The following STK35 variants were observed in gnomAD, a reference collection of about 807,000 sequenced individuals.
The protein encoded by STK35 is serine/threonine kinase 35.
A neutral mutation model predicts 37.3 loss-of-function variants in STK35; 17 were observed. The observed-to-expected ratio is 0.46, with a 90% CI of 0.31 to 0.68. The LOEUF (loss-of-function observed/expected upper bound fraction) is 0.68. Ranked by LOEUF, STK35 falls within the 30% of genes least tolerant of loss-of-function variation. The pLI, the probability that STK35 is intolerant of heterozygous loss-of-function variation, is 0.05. For missense variants in STK35, 595 were observed against 746.7 expected (o/e 0.80, Z 2.37); for synonymous variants, 385 against 319.1 (o/e 1.21, Z -2.20).
chr20:2,112,532 G>A (rs1351749504), intron 2 of STK35, among the ~76,000 whole-genome samples: 2 of 152,130 alleles, frequency 1.3e-5, no homozygotes, highest in Non-Finnish European at 2.9e-5. Flanking sequence ...TGTGAGCTGG[G>A]AGACAGCATG....
At chr20:2,115,470 C>T (rs1985697965) in intron 2 of STK35, among the ~76,000 whole-genome samples, 1 of 152,070 alleles carries the variant, frequency 6.6e-6, no homozygotes, top group Non-Finnish European at 1.5e-5. Flanking sequence ...ACCTTGTGAC[C>T]ACCCAGAACA....
At chr20:2,130,181 G>A (rs1985974810) in intron 3 of STK35, among the ~76,000 whole-genome samples, 2 of 152,106 alleles carry the variant, frequency 1.3e-5, no homozygotes, top group Admixed American at 6.6e-5. Flanking sequence ...TTGGACGTGC[G>A]GACATGAGAC....
Position 2,138,364 on chromosome 20 carries a change from G to C in STK35, c.*38-5420G>C, listed in dbSNP as rs537077885. ...CATTAACATGAATGACAGCAAGATC[G>C]ATCTTACTGAATGCCCCACCCTGGG... is the stretch of plus-strand genomic sequence containing the variant. On this transcript the variant is annotated intron_variant, in intron 3 of 3. Transcript: ENST00000381482. 2.6e-5 allele frequency among the ~76,000 whole-genome samples: 4 copies of C among 152,308 alleles called. No individual in the cohort carries two copies. The South Asian group carries it at 8.3e-4, about 32-fold the overall frequency.
intron 2 of STK35, among the ~76,000 whole-genome samples, chr20:2,110,003 GA>G (rs1356046891): frequency 6.6e-6 from 1 of 152,232 alleles, no homozygotes; most frequent in African/African-American, 2.4e-5. Flanking sequence ...TTAATCTTAG[GA>G]AGTACTTTGG....
intron 3 of STK35, among the ~76,000 whole-genome samples, chr20:2,128,872 C>T (rs932505163): frequency 1.3e-5 from 2 of 152,078 alleles, no homozygotes; most frequent in African/African-American, 2.4e-5. Flanking sequence ...GGTGGAGTCT[C>T]GCTCTGTTGC....
chr20:2,134,185 G>A (rs1052652386), intron 3 of STK35, among the ~76,000 whole-genome samples: 7 of 151,650 alleles, frequency 4.6e-5, no homozygotes, highest in Non-Finnish European at 8.8e-5. Context: ...GCTTGAACCC[G>A]GGAGGCAGAG....
At chr20:2,132,655 C>CT (rs1197807128) in intron 3 of STK35, among the ~76,000 whole-genome samples, 4 of 152,254 alleles carry the variant, frequency 2.6e-5, no homozygotes, top group African/African-American at 9.6e-5. Flanking sequence ...AAGTGTGAGA[C>CT]TGCACAGGCA....
Position 2,109,363 on chromosome 20 carries a change from T to G in STK35, c.892+5998T>G, listed in dbSNP as rs566257562. 8.5e-5 allele frequency among the ~76,000 whole-genome samples: 13 copies of G among 152,374 alleles called. No individual in the cohort carries two copies. In the South Asian group the frequency reaches 2.7e-3, roughly 32 times the overall value. On this transcript the variant is annotated intron_variant, in intron 2 of 3. Transcript: ENST00000381482. ...CCATGGATTAGGGGTACCCCAACTC[T>G]CTGCCTGGCTGGTGGATTCTACATT...
At chr20:2,123,623 C>G (rs553974851) in intron 3 of STK35, among the ~76,000 whole-genome samples, 1 of 152,262 alleles carries the variant, frequency 6.6e-6, no homozygotes, top group South Asian at 2.1e-4. Flanking sequence ...CTATAGCTAC[C>G]AAGTTAATCA....
rs951154722 is a variant in STK35, at chr20:2,145,889, C to G, written c.*2143C>G. 1 of 152,188 alleles carries G rather than the reference C, an allele frequency of 6.6e-6. No homozygotes were observed. The highest frequency in any genetic ancestry group is 2.4e-5 in the African/African-American group (1 of 41,440). The allele number at this position is 152,188 out of a possible 1,614,324, so 9.4% of individuals were successfully genotyped here. A position where few individuals can be genotyped will look rare whatever the true frequency, so the allele number is the denominator to read the frequency against. ...CCACACTGTAACATCCCTAGTGAGG[C>G]TCCAGCCTAATGAGCCCCTTATTTT... On this transcript the variant is annotated 3_prime_UTR_variant, in exon 4 of 4. Coordinates refer to ENST00000381482, the MANE Select transcript of STK35 (RefSeq NM_080836.4).
intron 1 of STK35, 64 bp from the exon 2 acceptor site, chr20:2,102,704 C>A (rs559964178): frequency 1.5e-6 from 2 of 1,300,760 alleles, no homozygotes; most frequent in East Asian, 3.1e-5. Flanking sequence ...TGGGACGCCC[C>A]GCGGCCTACG....
At chr20:2,131,247 G>A (rs1294893563) in intron 3 of STK35, among the ~76,000 whole-genome samples, 1 of 152,172 alleles carries the variant, frequency 6.6e-6, no homozygotes, top group Non-Finnish European at 1.5e-5. Flanking sequence ...ACTATAGGCA[G>A]TTGTAACACA....
chr20:2,144,182 A>T lies in STK35; in HGVS notation c.*436A>T. On this transcript the variant is annotated 3_prime_UTR_variant, in exon 4 of 4. Coordinates refer to ENST00000381482, the MANE Select transcript of STK35 (RefSeq NM_080836.4). ...CCTTCTTTATACTTTTCTCAGTTCTACTTATGACACCTCACTTCCCTAGAG... is the reference window on the plus strand; with the variant it reads ...CCTTCTTTATACTTTTCTCAGTTCTTCTTATGACACCTCACTTCCCTAGAG... 3.5e-6 allele frequency: 1 copy of T among 286,264 alleles called. No homozygotes were observed. Among genetic ancestry groups the T allele is most frequent in the South Asian group, 2.9e-5 (1 of 34,974 alleles). The allele number at this position is 286,264 out of a possible 1,614,324, so 17.7% of individuals were successfully genotyped here.
At position 2,101,937 on chromosome 20, in the gene STK35, TA is replaced by T; in HGVS notation, c.59del (p.Lys20ArgfsTer19). 6.7e-7 allele frequency: 1 copy of T among 1,498,524 alleles called. No individual in the cohort carries two copies. Among genetic ancestry groups the T allele is most frequent in the Non-Finnish European group, 8.9e-7 (1 of 1,122,638 alleles). 92.8% of individuals were successfully genotyped at this position (1,498,524 alleles called of 1,614,324 possible). On this transcript the variant is annotated frameshift_variant, in exon 1 of 4. Transcript: ENST00000381482. LOFTEE classifies it high-confidence loss of function. ...ARAPAGGAAY[V>X]KRLCKGLSWR... ...GCGCCGGCGGGAGGTGCAGCTTATG[TA>T]AAGAGGTTATGTAAAGGGCTCAGCT...
intron 3 of STK35, among the ~76,000 whole-genome samples, chr20:2,128,499 G>A (rs1985943826): frequency 6.6e-6 from 1 of 152,158 alleles, no homozygotes; most frequent in Non-Finnish European, 1.5e-5. Context: ...CATGGTGGAT[G>A]TGGTTCTGGG....
At chr20:2,141,426 G>C (rs1406986683) in intron 3 of STK35, among the ~76,000 whole-genome samples, 1 of 152,166 alleles carries the variant, frequency 6.6e-6, no homozygotes, top group Non-Finnish European at 1.5e-5. Context: ...CTGGGCAGTA[G>C]AGCAGGGAGT....
intron 3 of STK35, among the ~76,000 whole-genome samples, chr20:2,131,770 G>A (rs1412815235): frequency 1.3e-5 from 2 of 149,326 alleles, no homozygotes; most frequent in African/African-American, 4.9e-5. Flanking sequence ...AGGCTGGAGT[G>A]CAGTGGCACG....
chr20:2,136,719 G>A (rs4814982), intron 3 of STK35, among the ~76,000 whole-genome samples: 63,486 of 152,128 alleles, frequency 0.42, 15,780 homozygotes, highest in East Asian at 0.92. Flanking sequence ...TAAAAACCCA[G>A]CACTGCTGCT....
intron 2 of STK35, among the ~76,000 whole-genome samples, chr20:2,114,333 C>G (rs890499923): frequency 6.6e-6 from 1 of 152,024 alleles, no homozygotes; most frequent in Admixed American, 6.5e-5. Context: ...TTTGGAAGTA[C>G]GTTGGGAAGC....
Sources: allele counts gnomAD v4.1 joint callset (sites outside exome capture counted in the v4.1 genomes callset), GRCh38; gene constraint gnomAD v4.1.1; transcripts MANE v1.5; gene names NCBI Gene and HGNC (gene_info 2026-07-23, HGNC 2026-07-21).